Variants in SLC24A2 observed in about 807,000 individuals in gnomAD.
SLC24A2 encodes sodium/potassium/calcium exchanger 2.
A neutral mutation model predicts 62.0 loss-of-function variants in SLC24A2; 36 were observed. The observed-to-expected ratio is 0.58, with a 90% confidence interval of 0.44 to 0.77. The LOEUF (loss-of-function observed/expected upper bound fraction) is 0.77. Among genes scored for constraint, SLC24A2 ranks in the 30% least tolerant of loss-of-function variants. The probability of loss-of-function intolerance (pLI) is 0.00; values close to 1 mark genes in which losing one functional copy is unlikely to be tolerated. For missense variants in SLC24A2, 846 were observed against 817.9 expected, an observed-to-expected ratio of 1.03 and a Z score of -0.42; for synonymous variants, 358 against 294.0, an observed-to-expected ratio of 1.22 and a Z score of -2.23.
the SLC24A2 span, among the ~76,000 whole-genome samples, chr9:20,250,101 A>C: frequency 1.3e-5 from 2 of 152,222 alleles, no homozygotes; most frequent in Non-Finnish European, 2.9e-5. Context: ...ACCTGTTATG[A>C]TTATCCCAGT....
the SLC24A2 span, among the ~76,000 whole-genome samples, chr9:20,277,617 G>C: frequency 3.9e-5 from 6 of 152,248 alleles, no homozygotes; most frequent in Non-Finnish European, 7.4e-5. Flanking sequence ...GGAGAAATAG[G>C]AACACTTTTA....
In SLC24A2 at chr9:19,789,032, G is replaced by A. The variant is rs1008413121; in HGVS notation, c.-301C>T. The A allele has an allele frequency of 2.5e-6, 2 of 806,810 alleles. No individual in the cohort carries two copies. The highest frequency in any genetic ancestry group is 5.6e-5 in the South Asian group (1 of 17,936). 50.0% of individuals were successfully genotyped at this position (806,810 alleles called of 1,614,324 possible). A position where few individuals can be genotyped will look rare whatever the true frequency, so the allele number is the denominator to read the frequency against. On this transcript the variant is annotated 5_prime_UTR_variant, in exon 1 of 11. Coordinates refer to ENST00000341998, the MANE Select transcript of SLC24A2 (RefSeq NM_020344.4). The stretch of plus-strand genomic sequence containing the variant: ...TCGCCAGCCGGGCTGGGTTCGGGAG[G>A]AGACTGAGCCGCTGTGAGCCCGGCG...
At chr9:19,724,719 T>A (rs74465865) in intron 2 of SLC24A2, among the ~76,000 whole-genome samples, 2,600 of 152,262 alleles carry the variant, frequency 0.017, 54 homozygotes, top group East Asian at 0.1. Context: ...TCAGGAAAAA[T>A]TCATTCTTAG....
chr9:20,093,475 G>A, the SLC24A2 span, among the ~76,000 whole-genome samples: 1 of 151,718 alleles, frequency 6.6e-6, no homozygotes, highest in African/African-American at 2.4e-5. Context: ...TGAGTTTGAG[G>A]TTTTGATTCT....
At chr9:20,171,651 T>C in the SLC24A2 span, among the ~76,000 whole-genome samples, 4 of 151,984 alleles carry the variant, frequency 2.6e-5, no homozygotes, top group African/African-American at 7.2e-5. Flanking sequence ...AAAGGCCTTA[T>C]CCAACAGGAA....
At chr9:19,756,903 CTTTTT>C (rs780450451) in intron 2 of SLC24A2, among the ~76,000 whole-genome samples, 6 of 78,534 alleles carry the variant, frequency 7.6e-5, no homozygotes, top group South Asian at 6.6e-4. Flanking sequence ...TTTACTGAAG[CTTTTT>C]TTTTTTTTTT....
intron 2 of SLC24A2, among the ~76,000 whole-genome samples, chr9:19,775,686 G>A (rs1459808526): frequency 2.0e-5 from 3 of 152,188 alleles, no homozygotes; most frequent in Non-Finnish European, 4.4e-5. Context: ...AAAGCTGAGG[G>A]TAAGAAGCAA....
the SLC24A2 span, among the ~76,000 whole-genome samples, chr9:20,097,812 G>A: frequency 1.6e-4 from 20 of 124,102 alleles, no homozygotes; most frequent in Non-Finnish European, 3.0e-4. Flanking sequence ...GCGCGATCTC[G>A]ACTCACTGCA....
chr9:20,274,074 C>A, the SLC24A2 span, among the ~76,000 whole-genome samples: 54 of 152,326 alleles, frequency 3.5e-4, no homozygotes, highest in South Asian at 0.01. Context: ...CAGATGTGTG[C>A]TAGACACTGT....
chr9:19,716,570 C>T (rs1006736940), intron 2 of SLC24A2, among the ~76,000 whole-genome samples: 1 of 152,178 alleles, frequency 6.6e-6, no homozygotes, highest in African/African-American at 2.4e-5. Flanking sequence ...CTGAACAACA[C>T]GGTGGTGTTC....
the SLC24A2 span, among the ~76,000 whole-genome samples, chr9:20,146,126 G>T: frequency 1.7e-4 from 26 of 152,132 alleles, no homozygotes; most frequent in African/African-American, 5.5e-4. Context: ...TCACTGATTT[G>T]TGTTACTATT....
intron 7 of SLC24A2, among the ~76,000 whole-genome samples, chr9:19,558,398 G>C (rs1835210857): frequency 6.6e-6 from 1 of 152,146 alleles, no homozygotes; most frequent in Non-Finnish European, 1.5e-5. Context: ...CTCTACCCAA[G>C]AAAAAGGTAT....
At chr9:19,935,719 GCCAGGTC>G in the SLC24A2 span, among the ~76,000 whole-genome samples, 2 of 152,106 alleles carry the variant, frequency 1.3e-5, no homozygotes, top group Non-Finnish European at 2.9e-5. Context: ...ATGCTCTTCT[GCCAGGTC>G]CCCCACGTGT....
the SLC24A2 span, among the ~76,000 whole-genome samples, chr9:19,848,403 C>G: frequency 1.3e-5 from 2 of 152,118 alleles, no homozygotes; most frequent in African/African-American, 4.8e-5. Flanking sequence ...TTATTTTCCT[C>G]TTGGTTCTGT....
chr9:20,020,991 AC>A, the SLC24A2 span, among the ~76,000 whole-genome samples: 2 of 152,154 alleles, frequency 1.3e-5, no homozygotes, highest in African/African-American at 4.8e-5. Context: ...TCAGAAGTTT[AC>A]CCATCATATA....
At chr9:20,227,879 C>T in the SLC24A2 span, among the ~76,000 whole-genome samples, 10 of 152,152 alleles carry the variant, frequency 6.6e-5, no homozygotes, top group African/African-American at 2.4e-4. Context: ...TATTTTCTTC[C>T]CAAAGGAAAT....
chr9:20,183,669 G>T, the SLC24A2 span, among the ~76,000 whole-genome samples: 4 of 152,210 alleles, frequency 2.6e-5, no homozygotes, highest in African/African-American at 9.6e-5. Flanking sequence ...GTAACTTTTA[G>T]ATGAGCAGAG....
chr9:20,163,869 C>A, the SLC24A2 span, among the ~76,000 whole-genome samples: 1,912 of 152,276 alleles, frequency 0.013, 46 homozygotes, highest in African/African-American at 0.043. Flanking sequence ...CTGACAAAAA[C>A]AAGCAATGGG....
the SLC24A2 span, among the ~76,000 whole-genome samples, chr9:19,811,743 T>C: frequency 6.6e-6 from 1 of 152,196 alleles, no homozygotes; most frequent in Non-Finnish European, 1.5e-5. Context: ...TTTAGATACT[T>C]TTAACTTAAT....
Sources: allele counts gnomAD v4.1 joint callset (sites outside exome capture counted in the v4.1 genomes callset), GRCh38; gene constraint gnomAD v4.1.1; transcripts MANE v1.5; gene names NCBI Gene and HGNC (gene_info 2026-07-23, HGNC 2026-07-21).